Variants in MAGI2 observed in about 807,000 individuals in gnomAD.
MAGI2 encodes the protein membrane-associated guanylate kinase, WW and PDZ domain-containing protein 2.
A neutral mutation model predicts 133.3 loss-of-function variants in MAGI2; 35 were observed. The observed-to-expected ratio is 0.26, with a 90% CI of 0.20 to 0.35. The LOEUF (loss-of-function observed/expected upper bound fraction) is 0.35. Ranked by LOEUF, MAGI2 falls within the 10% of genes least tolerant of loss-of-function variation. The pLI, the probability that MAGI2 is intolerant of heterozygous loss-of-function variation, is 1.00. For missense variants in MAGI2, 1,636 were observed against 1,863.4 expected (o/e 0.88, Z 2.25); for synonymous variants, 729 against 710.6 (o/e 1.03, Z -0.41).
At chr7:78,489,061 G>T (rs982461222) in intron 6 of MAGI2, among the ~76,000 whole-genome samples, 9 of 152,022 alleles carry the variant, frequency 5.9e-5, no homozygotes, top group African/African-American at 1.9e-4. Flanking sequence ...AACTGTAAGT[G>T]CTCCTTTAAA....
At chr7:78,285,173 C>T (rs915632388) in intron 9 of MAGI2, among the ~76,000 whole-genome samples, 1 of 152,020 alleles carries the variant, frequency 6.6e-6, no homozygotes, top group Non-Finnish European at 1.5e-5. Flanking sequence ...ACTTGCACTC[C>T]AACAAATACC....
At chr7:78,345,489 AG>A (rs1790803488) in intron 8 of MAGI2, 1 of 159,610 alleles carries the variant, frequency 6.3e-6, no homozygotes, top group Non-Finnish European at 1.4e-5. Context: ...TAGTAAGACA[AG>A]TCATTCACGC....
chr7:78,510,566 T>C (rs1206385522), intron 4 of MAGI2, among the ~76,000 whole-genome samples: 2 of 152,180 alleles, frequency 1.3e-5, no homozygotes, highest in Non-Finnish European at 2.9e-5. Context: ...TTTCAAAAAG[T>C]AATGCAAATG....
chr7:78,450,147 T>G (rs1322510461), intron 6 of MAGI2, among the ~76,000 whole-genome samples: 1 of 152,042 alleles, frequency 6.6e-6, no homozygotes. Context: ...CTTTACAATA[T>G]GTTATTTCCT....
At chr7:79,411,069 G>A (rs1483221065) in intron 1 of MAGI2, 1 of 152,052 alleles carries the variant, frequency 6.6e-6, no homozygotes, top group Non-Finnish European at 1.5e-5. Context: ...CTATGCCTTA[G>A]AGAAATATTG....
chr7:78,249,306 G>A (rs1792134765), intron 10 of MAGI2, among the ~76,000 whole-genome samples: 1 of 152,070 alleles, frequency 6.6e-6, no homozygotes, highest in Non-Finnish European at 1.5e-5. Flanking sequence ...CAGTATGGAA[G>A]TTCCTCAAAA....
chr7:78,882,879 T>C (rs1485288990), intron 2 of MAGI2, among the ~76,000 whole-genome samples: 1 of 152,046 alleles, frequency 6.6e-6, no homozygotes, highest in East Asian at 1.9e-4. Context: ...GAGCCATCTA[T>C]GACAAACACA....
At chr7:78,811,743 C>T (rs1789078004) in intron 2 of MAGI2, among the ~76,000 whole-genome samples, 1 of 152,214 alleles carries the variant, frequency 6.6e-6, no homozygotes, top group Non-Finnish European at 1.5e-5. Context: ...TTTGTGTATC[C>T]TCTGAGCTGG....
intron 1 of MAGI2, among the ~76,000 whole-genome samples, chr7:79,284,778 G>T (rs951132103): frequency 2.0e-5 from 3 of 151,948 alleles, no homozygotes; most frequent in African/African-American, 7.2e-5. Flanking sequence ...ACATATGTTT[G>T]CCCCCTTAGC....
chr7:79,055,457 G>A (rs1361867781), intron 1 of MAGI2, among the ~76,000 whole-genome samples: 2 of 152,008 alleles, frequency 1.3e-5, no homozygotes, highest in Non-Finnish European at 2.9e-5. Context: ...TATTAAGTAC[G>A]TGCATGTGCA....
chr7:78,025,453 C>T (rs895553906), intron 21 of MAGI2, among the ~76,000 whole-genome samples: 1 of 152,132 alleles, frequency 6.6e-6, no homozygotes, highest in Non-Finnish European at 1.5e-5. Flanking sequence ...CCACATTGGC[C>T]TTGTTTATCA....
intron 15 of MAGI2, among the ~76,000 whole-genome samples, chr7:78,164,569 T>A (rs1825432063): frequency 6.6e-6 from 1 of 152,222 alleles, no homozygotes; most frequent in Admixed American, 6.5e-5. Flanking sequence ...GGGAATGCAT[T>A]TAGAATTGGC....
intron 1 of MAGI2, among the ~76,000 whole-genome samples, chr7:79,378,601 T>C (rs1314011527): frequency 1.3e-5 from 2 of 151,540 alleles, no homozygotes; most frequent in Non-Finnish European, 3.0e-5. Flanking sequence ...TATAACAAAT[T>C]AACATCAATT....
intron 11 of MAGI2, among the ~76,000 whole-genome samples, chr7:78,200,711 G>A (rs1417840392): frequency 6.6e-6 from 1 of 151,984 alleles, no homozygotes; most frequent in East Asian, 1.9e-4. Flanking sequence ...ATACACACAT[G>A]TAGCTCTGCA....
At chr7:79,402,856 T>C (rs1287622734) in intron 1 of MAGI2, among the ~76,000 whole-genome samples, 3 of 152,248 alleles carry the variant, frequency 2.0e-5, no homozygotes, top group African/African-American at 4.8e-5. Flanking sequence ...TAACTTTCCA[T>C]GGGTAATATT....
chr7:79,255,068 GAC>G (rs1202782074), intron 1 of MAGI2, among the ~76,000 whole-genome samples: 3 of 152,230 alleles, frequency 2.0e-5, no homozygotes, highest in African/African-American at 7.2e-5. Context: ...GTTTCTGTAT[GAC>G]ACGTATTTTT....
At chr7:78,857,357 T>G (rs1192480973) in intron 2 of MAGI2, among the ~76,000 whole-genome samples, 1 of 152,180 alleles carries the variant, frequency 6.6e-6, no homozygotes. Flanking sequence ...GCTTCCAGTT[T>G]TTGCCCATTC....
At chr7:78,501,476 G>GTTTTTTTTTTTT in intron 5 of MAGI2, 101 bp downstream of exon 5, 2 of 1,033,052 alleles carry the variant, frequency 1.9e-6, no homozygotes, top group Non-Finnish European at 1.4e-6. Flanking sequence ...AGAATTTCAT[G>GTTTTTTTTTTTT]TTTTTTTCTT....
chr7:79,019,605 G>A lies in MAGI2; in HGVS notation c.302-12399C>T, dbSNP rs182131450. On this transcript the variant is annotated intron_variant, in intron 1 of 21. Coordinates refer to ENST00000354212, the MANE Select transcript of MAGI2 (RefSeq NM_012301.4). ...TCTGTCACCCAGGCTGGAGTGCAGT[G>A]GTGATCTCAGCTCGCTTCCACTTCT... is the stretch of plus-strand genomic sequence containing the variant. Among the ~76,000 whole-genome samples, 579 of 151,814 alleles carry A rather than the reference G, an allele frequency of 3.8e-3. 8 individuals carry two copies. The highest frequency in any genetic ancestry group is 0.029 in the Admixed American group (443 of 15,244).
Sources: gnomAD v4.1 joint callset for allele counts (sites outside exome capture counted in the v4.1 genomes callset) on GRCh38, gnomAD v4.1.1 for gene constraint, MANE v1.5 for transcripts, NCBI Gene and HGNC (gene_info 2026-07-23, HGNC 2026-07-21) for gene names.